The following LRMDA variants were observed in gnomAD, a reference collection of about 807,000 sequenced individuals.
LRMDA encodes the protein leucine-rich melanocyte differentiation-associated protein.
LRMDA carries 18 observed loss-of-function variants against 29.8 expected under a neutral mutation model. That is an observed-to-expected ratio of 0.60 (90% confidence interval 0.42 to 0.90). The LOEUF is 0.90. Ranked by LOEUF, LRMDA falls within the 40% of genes least tolerant of loss-of-function variation. LRMDA has a pLI of 0.00. For synonymous variants in LRMDA, 125 were observed against 109.4 expected (o/e 1.14, Z -0.89); for missense variants, 273 against 273.9 (o/e 1.00, Z 0.02).
chr10:76,389,049 G>A (rs1182755898), intron 6 of LRMDA, among the ~76,000 whole-genome samples: 1 of 152,154 alleles, frequency 6.6e-6, no homozygotes, highest in Non-Finnish European at 1.5e-5. Context: ...ATAAAGGAAG[G>A]CTCCCTTGAA....
intron 2 of LRMDA, among the ~76,000 whole-genome samples, chr10:75,558,722 C>T (rs2132060111): frequency 6.7e-6 from 1 of 149,948 alleles, no homozygotes; most frequent in African/African-American, 2.5e-5. Context: ...TGATGTTCCC[C>T]TTCCTGTGTC....
intron 2 of LRMDA, among the ~76,000 whole-genome samples, chr10:75,659,421 A>G (rs1219291364): frequency 6.6e-6 from 1 of 151,918 alleles, no homozygotes; most frequent in African/African-American, 2.4e-5. Flanking sequence ...AAAACTGTGT[A>G]TATTCAAGAC....
At chr10:76,409,344 T>G (rs902109355) in intron 6 of LRMDA, among the ~76,000 whole-genome samples, 2 of 152,228 alleles carry the variant, frequency 1.3e-5, no homozygotes, top group Non-Finnish European at 2.9e-5. Context: ...GTTATTTATA[T>G]CCTACTACTC....
chr10:75,957,830 A>G (rs1320825172), intron 2 of LRMDA, among the ~76,000 whole-genome samples: 1 of 152,096 alleles, frequency 6.6e-6, no homozygotes, highest in African/African-American at 2.4e-5. Flanking sequence ...GATGAGGATG[A>G]CGAGGGCTTT....
rs545337643 is a variant in LRMDA, at chr10:76,053,070, G to A, written c.399-5596G>A. On this transcript the variant is annotated intron_variant, in intron 4 of 6. Coordinates refer to ENST00000611255, the MANE Select transcript of LRMDA (RefSeq NM_001305581.2). ...GTGGTTTATGATGGCTGCCTTCTGT[G>A]TTATTAGTAGCTGTCTCTTCCTTCA... Among the ~76,000 whole-genome samples the A allele has an allele frequency of 3.9e-5, 6 of 152,302 alleles. No individual in the cohort carries two copies. In the South Asian group the frequency reaches 1.2e-3, roughly 32 times the overall value.
At chr10:76,236,569 G>A (rs981263281) in intron 5 of LRMDA, among the ~76,000 whole-genome samples, 30 of 152,070 alleles carry the variant, frequency 2.0e-4, no homozygotes, top group African/African-American at 5.8e-4. Context: ...ACTTTGGCCC[G>A]CTCCCAGACC....
At chr10:76,227,804 GC>G (rs1851987735) in intron 5 of LRMDA, among the ~76,000 whole-genome samples, 1 of 152,034 alleles carries the variant, frequency 6.6e-6, no homozygotes, top group Admixed American at 6.6e-5. Flanking sequence ...TTAAATACTG[GC>G]CAAGTATAAG....
At position 76,431,474 on chromosome 10, in the gene LRMDA, A is replaced by T. The variant is rs1589183351; in HGVS notation, c.601+106989A>T. The stretch of plus-strand genomic sequence containing the variant: ...CAAATCACTTCTCTACTACTTGCAA[A>T]TTCTGGGGCTTGAGAAAGTCACTAG... On this transcript the variant is annotated intron_variant, in intron 6 of 6. Coordinates refer to ENST00000611255, the MANE Select transcript of LRMDA (RefSeq NM_001305581.2). Among the ~76,000 whole-genome samples the T allele has an allele frequency of 2.0e-5, 3 of 152,266 alleles. No homozygotes were observed. The East Asian group carries it at 5.8e-4, about 29-fold the overall frequency.
At chr10:75,655,444 C>T (rs1214317809) in intron 2 of LRMDA, among the ~76,000 whole-genome samples, 1 of 152,240 alleles carries the variant, frequency 6.6e-6, no homozygotes, top group African/African-American at 2.4e-5. Flanking sequence ...GGCCAGCCTG[C>T]CATGCATCTG....
intron 2 of LRMDA, among the ~76,000 whole-genome samples, chr10:75,983,108 G>GC (rs1847202297): frequency 6.6e-6 from 1 of 152,140 alleles, no homozygotes; most frequent in Non-Finnish European, 1.5e-5. Context: ...ACCTCCACTT[G>GC]AAGGCAGGGG....
In LRMDA at chr10:76,029,522, C is replaced by G. The variant is rs184089385; in HGVS notation, c.132-6486C>G. ...GTCCTACAGCAAGAAAATACAGGTT[C>G]CTGAGAGCTATCATCTGACCAGAAT... is the stretch of plus-strand genomic sequence containing the variant. On this transcript the variant is annotated intron_variant, in intron 2 of 6. Transcript: ENST00000611255. Among the ~76,000 whole-genome samples the G allele has an allele frequency of 1.1e-4, 16 of 152,222 alleles. No individual in the cohort carries two copies. The East Asian group carries it at 2.7e-3, about 26-fold the overall frequency.
intron 6 of LRMDA, among the ~76,000 whole-genome samples, chr10:76,359,004 C>T (rs765764367): frequency 2.3e-4 from 35 of 152,296 alleles, no homozygotes; most frequent in Admixed American, 1.2e-3. Context: ...CAAGGGACAG[C>T]ATTCCTCTAG....
At chr10:76,099,452 G>T (rs1210389587) in intron 5 of LRMDA, among the ~76,000 whole-genome samples, 3 of 148,376 alleles carry the variant, frequency 2.0e-5, no homozygotes, top group African/African-American at 7.5e-5. Flanking sequence ...TGTTCTTTTG[G>T]CTTTGCATTT....
At chr10:76,350,549 A>G (rs1841163406) in intron 6 of LRMDA, among the ~76,000 whole-genome samples, 1 of 151,450 alleles carries the variant, frequency 6.6e-6, no homozygotes, top group African/African-American at 2.4e-5. Context: ...GTCGGGGATT[A>G]TGGATAGCAT....
At chr10:76,229,125 G>A (rs922106370) in intron 5 of LRMDA, among the ~76,000 whole-genome samples, 30 of 152,324 alleles carry the variant, frequency 2.0e-4, no homozygotes, top group Admixed American at 3.9e-4. Flanking sequence ...GGAATGCGAA[G>A]GTTTGGACAA....
At chr10:76,324,990 T>A (rs565098559) in intron 6 of LRMDA, among the ~76,000 whole-genome samples, 1 of 152,344 alleles carries the variant, frequency 6.6e-6, no homozygotes, top group African/African-American at 2.4e-5. Context: ...TTTGGTTTAC[T>A]CAGTTTTTCC....
At chr10:76,065,405 A>G (rs1848767060) in intron 5 of LRMDA, among the ~76,000 whole-genome samples, 1 of 152,210 alleles carries the variant, frequency 6.6e-6, no homozygotes, top group South Asian at 2.1e-4. Flanking sequence ...CAGGAGTCCT[A>G]GGGGCCTTGC....
At chr10:76,253,517 G>C (rs1193221678) in intron 5 of LRMDA, among the ~76,000 whole-genome samples, 1 of 149,886 alleles carries the variant, frequency 6.7e-6, no homozygotes, top group African/African-American at 2.5e-5. Context: ...GGAGAAGAGA[G>C]GGGGAGAGAG....
At chr10:76,299,188 T>TGTGCGC (rs1188916957) in intron 5 of LRMDA, among the ~76,000 whole-genome samples, 5 of 147,812 alleles carry the variant, frequency 3.4e-5, no homozygotes, top group African/African-American at 1.2e-4. Flanking sequence ...TGTGTGTGTG[T>TGTGCGC]GCATGCACGC....
Sources: allele counts gnomAD v4.1 joint callset (sites outside exome capture counted in the v4.1 genomes callset), GRCh38; gene constraint gnomAD v4.1.1; transcripts MANE v1.5; gene names NCBI Gene and HGNC (gene_info 2026-07-23, HGNC 2026-07-21).